ZSWIM6: variants seen among roughly 807,000 people sequenced by gnomAD.
ZSWIM6 encodes zinc finger SWIM domain-containing protein 6.
Under a neutral mutation model 113.2 loss-of-function variants are expected in ZSWIM6, and 9 were observed. That is an observed-to-expected ratio of 0.08 (90% CI 0.05 to 0.14). ZSWIM6 has a LOEUF of 0.14. ZSWIM6 is among the 10% of genes least tolerant of loss of function. The pLI is 1.00. For missense variants in ZSWIM6, 1,162 were observed against 1,552.2 expected, an observed-to-expected ratio of 0.75 and a Z score of 4.22; for synonymous variants, 611 against 606.5, an observed-to-expected ratio of 1.01 and a Z score of -0.11.
rs1451506135 is a variant in ZSWIM6, at chr5:61,545,399, A to G, written c.*1082A>G. 2 of 152,132 alleles carry G rather than the reference A, an allele frequency of 1.3e-5. No homozygotes were observed. 9.4% of individuals were successfully genotyped at this position (152,132 alleles called of 1,614,324 possible). A position where few individuals can be genotyped will look rare whatever the true frequency, so the allele number is the denominator to read the frequency against. On this transcript the variant is annotated 3_prime_UTR_variant, in exon 14 of 14. Coordinates refer to ENST00000252744, the MANE Select transcript of ZSWIM6 (RefSeq NM_020928.2). ...AGAGCAGCAAGCCTTAGCATTAAGA[A>G]TATACAATATGCCGGAATTGGGGTT... is the stretch of plus-strand genomic sequence containing the variant.
chr5:61,428,715 T>C (rs1047240707), intron 1 of ZSWIM6, among the ~76,000 whole-genome samples: 7 of 152,198 alleles, frequency 4.6e-5, no homozygotes, highest in Non-Finnish European at 1.0e-4. Context: ...ATGTCAGAAA[T>C]ATTTGAAGGG....
At chr5:61,349,232 G>T (rs1422634307) in intron 1 of ZSWIM6, among the ~76,000 whole-genome samples, 1 of 152,060 alleles carries the variant, frequency 6.6e-6, no homozygotes, top group Non-Finnish European at 1.5e-5. Flanking sequence ...TAAATACAAA[G>T]TCTTTTTTTG....
chr5:61,403,871 A>T (rs1317416434), intron 1 of ZSWIM6, among the ~76,000 whole-genome samples: 1 of 152,218 alleles, frequency 6.6e-6, no homozygotes, highest in Non-Finnish European at 1.5e-5. Flanking sequence ...AAATTAAATT[A>T]TGTGGGAATT....
chr5:61,442,005 G>A (rs549643433), intron 1 of ZSWIM6, among the ~76,000 whole-genome samples: 1 of 152,330 alleles, frequency 6.6e-6, no homozygotes, highest in African/African-American at 2.4e-5. Flanking sequence ...AAGGGTTTAT[G>A]TAGCAGAGAA....
At chr5:61,387,279 C>T (rs1444713148) in intron 1 of ZSWIM6, among the ~76,000 whole-genome samples, 2 of 152,220 alleles carry the variant, frequency 1.3e-5, no homozygotes, top group Admixed American at 1.3e-4. Flanking sequence ...ATTCCATGTT[C>T]TCTTCCATAT....
chr5:61,459,878 C>T (rs1385961489), intron 1 of ZSWIM6, among the ~76,000 whole-genome samples: 1 of 152,108 alleles, frequency 6.6e-6, no homozygotes, highest in Non-Finnish European at 1.5e-5. Context: ...CTTTGCCACT[C>T]AAATTTTAAG....
intron 1 of ZSWIM6, among the ~76,000 whole-genome samples, chr5:61,344,899 G>A (rs1744623762): frequency 6.6e-6 from 1 of 152,146 alleles, no homozygotes; most frequent in African/African-American, 2.4e-5. Flanking sequence ...TATTTTTTCT[G>A]AAATAGGATG....
chr5:61,510,756 CTTGCTT>C (rs1235025648), intron 4 of ZSWIM6, among the ~76,000 whole-genome samples: 1 of 152,110 alleles, frequency 6.6e-6, no homozygotes, highest in Non-Finnish European at 1.5e-5. Flanking sequence ...AAGTATTGAA[CTTGCTT>C]TTATTGTAAT....
At chr5:61,535,169 A>G (rs1749542663) in intron 9 of ZSWIM6, among the ~76,000 whole-genome samples, 1 of 152,190 alleles carries the variant, frequency 6.6e-6, no homozygotes, top group Non-Finnish European at 1.5e-5. Context: ...TGTTGCTCAA[A>G]TGCAGCAAGG....
At chr5:61,500,499 C>T (rs975822726) in intron 4 of ZSWIM6, among the ~76,000 whole-genome samples, 5 of 152,094 alleles carry the variant, frequency 3.3e-5, no homozygotes, top group African/African-American at 9.7e-5. Context: ...AAGGTCAAAG[C>T]GAAGCTCACC....
chr5:61,539,022 AT>A (rs1366053367), intron 11 of ZSWIM6, 51 bp downstream of exon 11: 36 of 1,433,990 alleles, frequency 2.5e-5, no homozygotes, highest in South Asian at 1.1e-4. Context: ...TTGCCTGTTT[AT>A]TTTTTTTAAG....
intron 1 of ZSWIM6, among the ~76,000 whole-genome samples, chr5:61,367,236 G>A (rs150454567): frequency 6.6e-6 from 1 of 152,144 alleles, no homozygotes; most frequent in African/African-American, 2.4e-5. Flanking sequence ...GCTTACATCA[G>A]GCCTTAAGTG....
intron 1 of ZSWIM6, among the ~76,000 whole-genome samples, chr5:61,337,348 A>G (rs545797934): frequency 3.8e-4 from 58 of 152,346 alleles, no homozygotes; most frequent in African/African-American, 1.4e-3. Flanking sequence ...TTCTTCTACC[A>G]CATTGGTGAA....
At chr5:61,374,166 A>T (rs1745321532) in intron 1 of ZSWIM6, among the ~76,000 whole-genome samples, 1 of 152,244 alleles carries the variant, frequency 6.6e-6, no homozygotes, top group East Asian at 1.9e-4. Flanking sequence ...AGTCCATAAA[A>T]TAAACCATTA....
chr5:61,354,539 C>T (rs189199665), intron 1 of ZSWIM6, among the ~76,000 whole-genome samples: 35 of 152,322 alleles, frequency 2.3e-4, no homozygotes, highest in African/African-American at 8.4e-4. Flanking sequence ...TATCACACTA[C>T]TCTTGCATAG....
chr5:61,454,808 T>C (rs1232431180), intron 1 of ZSWIM6, among the ~76,000 whole-genome samples: 3 of 151,858 alleles, frequency 2.0e-5, no homozygotes, highest in Non-Finnish European at 4.4e-5. Flanking sequence ...GGTCTCAAAC[T>C]CCTGACCTGA....
intron 13 of ZSWIM6, among the ~76,000 whole-genome samples, chr5:61,542,192 T>C (rs1312706733): frequency 6.6e-6 from 1 of 152,264 alleles, no homozygotes; most frequent in Non-Finnish European, 1.5e-5. Flanking sequence ...TCCAGCTTCT[T>C]ATTTAAAATG....
chr5:61,366,797 C>T (rs559056938), intron 1 of ZSWIM6, among the ~76,000 whole-genome samples: 40 of 152,102 alleles, frequency 2.6e-4, no homozygotes, highest in Middle Eastern at 3.4e-3. Context: ...GACGTGATGG[C>T]GCACACCTGT....
chr5:61,380,718 C>A (rs1480467385), intron 1 of ZSWIM6, among the ~76,000 whole-genome samples: 2 of 152,116 alleles, frequency 1.3e-5, no homozygotes, highest in Admixed American at 6.6e-5. Flanking sequence ...ATGCACTGGC[C>A]ATTAAGTCTT....
Sources: gnomAD v4.1 joint callset for allele counts (sites outside exome capture counted in the v4.1 genomes callset) on GRCh38, gnomAD v4.1.1 for gene constraint, MANE v1.5 for transcripts, NCBI Gene and HGNC (gene_info 2026-07-23, HGNC 2026-07-21) for gene names.